ATP10B: variants seen among roughly 807,000 people sequenced by gnomAD.
ATP10B encodes phospholipid-transporting ATPase VB.
Under a neutral mutation model 141.2 loss-of-function variants are expected in ATP10B, and 122 were observed. That is an observed-to-expected ratio of 0.86 (90% CI 0.75 to 1.00). ATP10B has a LOEUF of 1.00. Among genes scored for constraint, ATP10B ranks in the 50% least tolerant of loss-of-function variants. The probability of loss-of-function intolerance (pLI) is 0.00; values close to 1 mark genes in which losing one functional copy is unlikely to be tolerated. For synonymous variants in ATP10B, 685 were observed against 692.0 expected (o/e 0.99, Z 0.16); for missense variants, 1,876 against 1,825.3 (o/e 1.03, Z -0.51).
intron 7 of ATP10B, among the ~76,000 whole-genome samples, chr5:160,667,959 G>C (rs1762421311): frequency 6.6e-6 from 1 of 152,096 alleles, no homozygotes; most frequent in Non-Finnish European, 1.5e-5. Flanking sequence ...GCCAGGCACC[G>C]GGGCTCACAC....
At chr5:160,905,566 G>T in the ATP10B span, among the ~76,000 whole-genome samples, 2 of 151,922 alleles carry the variant, frequency 1.3e-5, no homozygotes, top group African/African-American at 4.8e-5. Context: ...AACTTATGTG[G>T]GTCCTCAATT....
chr5:160,899,452 T>A, the ATP10B span, among the ~76,000 whole-genome samples: 1 of 152,128 alleles, frequency 6.6e-6, no homozygotes, highest in African/African-American at 2.4e-5. Flanking sequence ...GGGTGACGGA[T>A]GTGTTTTTGG....
the ATP10B span, among the ~76,000 whole-genome samples, chr5:160,864,128 T>C: frequency 5.9e-3 from 892 of 151,726 alleles, 11 homozygotes; most frequent in African/African-American, 0.02. Flanking sequence ...AGAAAGGACA[T>C]AAAAAATAGG....
At chr5:160,785,221 T>C (rs1181337411) in intron 2 of ATP10B, among the ~76,000 whole-genome samples, 1 of 152,142 alleles carries the variant, frequency 6.6e-6, no homozygotes, top group Non-Finnish European at 1.5e-5. Flanking sequence ...ACTTTTTTCT[T>C]GTTATTTACG....
chr5:160,721,921 C>T (rs1561788528), intron 2 of ATP10B, among the ~76,000 whole-genome samples: 1 of 152,188 alleles, frequency 6.6e-6, no homozygotes, highest in Admixed American at 6.5e-5. Context: ...ATCCAGACTA[C>T]CTGGATGCAA....
At chr5:160,812,970 T>G (rs1002814639) in intron 1 of ATP10B, among the ~76,000 whole-genome samples, 7 of 152,162 alleles carry the variant, frequency 4.6e-5, no homozygotes, top group African/African-American at 1.4e-4. Flanking sequence ...ATCAAACTTA[T>G]GAAAGTCAAT....
At chr5:160,700,037 T>C (rs984257801) in intron 3 of ATP10B, among the ~76,000 whole-genome samples, 3 of 152,092 alleles carry the variant, frequency 2.0e-5, no homozygotes, top group African/African-American at 7.2e-5. Flanking sequence ...CTTCTTTGGT[T>C]TCAGGCCAAA....
intron 2 of ATP10B, among the ~76,000 whole-genome samples, chr5:160,735,088 G>T (rs1767014683): frequency 6.8e-6 from 1 of 146,140 alleles, no homozygotes; most frequent in South Asian, 2.1e-4. Flanking sequence ...AAAGTAGGAA[G>T]AGAAGATTAA....
At chr5:160,922,989 A>T in the ATP10B span, among the ~76,000 whole-genome samples, 1 of 152,246 alleles carries the variant, frequency 6.6e-6, no homozygotes, top group Non-Finnish European at 1.5e-5. Flanking sequence ...AGGTAAGCAC[A>T]AGTATTTGTT....
At chr5:160,588,153 A>G (rs961542952) in intron 24 of ATP10B, among the ~76,000 whole-genome samples, 15 of 152,244 alleles carry the variant, frequency 9.9e-5, no homozygotes, top group African/African-American at 2.9e-4. Context: ...TGCCCTGACA[A>G]TGGGGTTTTC....
At chr5:160,793,398 A>G (rs1771726960) in intron 1 of ATP10B, among the ~76,000 whole-genome samples, 1 of 152,224 alleles carries the variant, frequency 6.6e-6, no homozygotes. Context: ...CTTAAGCGTT[A>G]GTATTTCCAC....
chr5:160,617,175 C>A (rs1025056757), intron 16 of ATP10B, among the ~76,000 whole-genome samples: 1 of 152,218 alleles, frequency 6.6e-6, no homozygotes, highest in African/African-American at 2.4e-5. Context: ...CCCATCATAG[C>A]ACCCCATTAG....
the ATP10B span, among the ~76,000 whole-genome samples, chr5:160,857,442 G>T: frequency 2.6e-5 from 4 of 151,616 alleles, no homozygotes; most frequent in Non-Finnish European, 5.9e-5. Context: ...CTTGCTGGAG[G>T]TCTATTAATT....
intron 1 of ATP10B, among the ~76,000 whole-genome samples, chr5:160,811,813 C>T (rs530994432): frequency 3.3e-5 from 5 of 152,274 alleles, no homozygotes; most frequent in Non-Finnish European, 7.4e-5. Flanking sequence ...GCCATTGCCA[C>T]CTGCTGATTT....
In ATP10B at chr5:160,565,222, AC is replaced by A. The variant is rs1433706603; in HGVS notation, c.*230del. The A allele has an allele frequency of 5.4e-6, 3 of 558,166 alleles. No individual in the cohort carries two copies. The highest frequency in any genetic ancestry group is 6.4e-6 in the Non-Finnish European group (2 of 314,070). The allele number at this position is 558,166 out of a possible 1,614,324, so 34.6% of individuals were successfully genotyped here. ...CAACAAAAACAGCCTCCTTCTCCAA[AC>A]TGTTTGCAAGATGTGCTGCCTGAGA... On this transcript the variant is annotated 3_prime_UTR_variant, in exon 26 of 26. Coordinates refer to ENST00000327245, the MANE Select transcript of ATP10B (RefSeq NM_025153.3).
intron 2 of ATP10B, among the ~76,000 whole-genome samples, chr5:160,733,988 G>T (rs1766932743): frequency 1.3e-5 from 2 of 150,092 alleles, no homozygotes; most frequent in Admixed American, 6.7e-5. Context: ...CATGCCTGTA[G>T]TCCCAGCTAT....
intron 2 of ATP10B, among the ~76,000 whole-genome samples, chr5:160,751,437 T>C (rs1409396101): frequency 6.6e-6 from 1 of 152,220 alleles, no homozygotes; most frequent in African/African-American, 2.4e-5. Context: ...CAGGATGAAG[T>C]AAGCAGGTAG....
At chr5:160,755,835 A>G (rs866976432) in intron 2 of ATP10B, among the ~76,000 whole-genome samples, 6,136 of 79,026 alleles carry the variant, frequency 0.078, 773 homozygotes, top group African/African-American at 0.29. Context: ...AAAAAAAAAA[A>G]AAAATATATA....
chr5:160,591,049 C>T lies in ATP10B; in HGVS notation c.3645+10G>A. On this transcript the variant is annotated intron_variant, in intron 23 of 25. Transcript: ENST00000327245. ...AATTTATGTGGTTAGAATGGGACTA[C>T]ATGACTTACCAGGTAAGGGATAAAG... 6.2e-7 allele frequency: 1 copy of T among 1,610,224 alleles called. No individual in the cohort carries two copies. Among genetic ancestry groups the T allele is most frequent in the Non-Finnish European group, 8.5e-7 (1 of 1,177,024 alleles).
Sources: allele counts gnomAD v4.1 joint callset (sites outside exome capture counted in the v4.1 genomes callset), GRCh38; gene constraint gnomAD v4.1.1; transcripts MANE v1.5; gene names NCBI Gene and HGNC (gene_info 2026-07-23, HGNC 2026-07-21).